Variants in RAB38 observed in about 807,000 individuals in gnomAD.
The protein encoded by RAB38 is ras-related protein Rab-38.
A neutral mutation model predicts 18.4 loss-of-function variants in RAB38; 15 were observed. The observed-to-expected ratio is 0.82, with a 90% CI of 0.55 to 1.26. RAB38 has a LOEUF of 1.26. Ranked by LOEUF, RAB38 falls within the 50% of genes most tolerant of loss-of-function variation. The pLI, the probability that RAB38 is intolerant of heterozygous loss-of-function variation, is 0.00. For missense variants in RAB38, 294 were observed against 267.4 expected, an observed-to-expected ratio of 1.10 and a Z score of -0.69; for synonymous variants, 101 against 104.4, an observed-to-expected ratio of 0.97 and a Z score of 0.20.
chr11:88,163,659 ATTG>A (rs1943213613), intron 1 of RAB38, among the ~76,000 whole-genome samples: 1 of 152,156 alleles, frequency 6.6e-6, no homozygotes, highest in South Asian at 2.1e-4. Flanking sequence ...TATTGACTTT[ATTG>A]TTGTTCATAA....
the RAB38 span, among the ~76,000 whole-genome samples, chr11:87,977,602 A>G: frequency 5.7e-4 from 68 of 118,374 alleles, no homozygotes; most frequent in Non-Finnish European, 4.9e-4. Flanking sequence ...ATTATGTACT[A>G]TACAATTATA....
chr11:87,848,178 A>G, the RAB38 span, among the ~76,000 whole-genome samples: 1 of 152,162 alleles, frequency 6.6e-6, no homozygotes, highest in Non-Finnish European at 1.5e-5. Flanking sequence ...CTTTTACCAT[A>G]CAGGGAAATA....
chr11:87,976,561 T>A, the RAB38 span, among the ~76,000 whole-genome samples: 1 of 123,362 alleles, frequency 8.1e-6, no homozygotes, highest in African/African-American at 3.1e-5. Flanking sequence ...TATACTTATA[T>A]AACTATACAA....
the RAB38 span, among the ~76,000 whole-genome samples, chr11:87,921,444 A>C: frequency 6.6e-6 from 1 of 151,802 alleles, no homozygotes; most frequent in Non-Finnish European, 1.5e-5. Context: ...AGGCTCGGCT[A>C]AGCTATGATG....
At chr11:88,124,228 T>C (rs1357259405) in intron 2 of RAB38, among the ~76,000 whole-genome samples, 3 of 152,136 alleles carry the variant, frequency 2.0e-5, no homozygotes, top group Admixed American at 2.0e-4. Flanking sequence ...GGACTTCATG[T>C]CCAAAACACC....
At chr11:88,048,359 A>G in the RAB38 span, among the ~76,000 whole-genome samples, 3 of 152,204 alleles carry the variant, frequency 2.0e-5, no homozygotes, top group Admixed American at 1.3e-4. Context: ...TACTAGTCAA[A>G]TCACCCAAGC....
the RAB38 span, among the ~76,000 whole-genome samples, chr11:87,950,280 T>C: frequency 9.2e-5 from 14 of 152,308 alleles, no homozygotes; most frequent in South Asian, 1.5e-3. Flanking sequence ...CCTATGTGTG[T>C]CTCTGCACGT....
the RAB38 span, among the ~76,000 whole-genome samples, chr11:87,856,829 T>C: frequency 1.3e-5 from 2 of 152,154 alleles, no homozygotes; most frequent in Non-Finnish European, 2.9e-5. Context: ...GGCTTATCTG[T>C]ACTTGATTGA....
the RAB38 span, among the ~76,000 whole-genome samples, chr11:88,021,741 T>A: frequency 5.4e-5 from 8 of 148,306 alleles, no homozygotes; most frequent in Non-Finnish European, 7.4e-5. Context: ...AGACCTACGC[T>A]CAACTAATTT....
At chr11:88,143,817 C>G (rs924268838) in intron 2 of RAB38, among the ~76,000 whole-genome samples, 1 of 152,152 alleles carries the variant, frequency 6.6e-6, no homozygotes, top group Non-Finnish European at 1.5e-5. Flanking sequence ...AGCCTCTGAT[C>G]GTTCATTTCT....
At chr11:87,893,372 A>ATATATATATATATG in the RAB38 span, among the ~76,000 whole-genome samples, 4 of 28,446 alleles carry the variant, frequency 1.4e-4, no homozygotes, top group African/African-American at 2.9e-4. Flanking sequence ...TATATTTTAC[A>ATATATATATATATG]TATATATATA....
the RAB38 span, among the ~76,000 whole-genome samples, chr11:88,008,742 C>A: frequency 6.6e-6 from 1 of 152,228 alleles, no homozygotes; most frequent in African/African-American, 2.4e-5. Context: ...GGCGCCATCT[C>A]GGCTCACTGC....
the RAB38 span, among the ~76,000 whole-genome samples, chr11:87,862,091 G>A: frequency 6.6e-6 from 1 of 151,914 alleles, no homozygotes; most frequent in Non-Finnish European, 1.5e-5. Context: ...AAACTATTGT[G>A]GAAGACAGTG....
the RAB38 span, among the ~76,000 whole-genome samples, chr11:87,812,733 C>T: frequency 7.9e-4 from 120 of 152,234 alleles, no homozygotes; most frequent in African/African-American, 2.8e-3. Context: ...TTGTGTAAAA[C>T]GCCGAAAGAT....
the RAB38 span, among the ~76,000 whole-genome samples, chr11:88,054,512 G>A: frequency 6.6e-6 from 1 of 152,190 alleles, no homozygotes; most frequent in African/African-American, 2.4e-5. Context: ...TTAATGCTGA[G>A]AACTGTATAG....
chr11:88,077,658 A>C, the RAB38 span, among the ~76,000 whole-genome samples: 1 of 152,140 alleles, frequency 6.6e-6, no homozygotes, highest in South Asian at 2.1e-4. Context: ...AAATAGATTA[A>C]AGACCAAAAA....
the RAB38 span, among the ~76,000 whole-genome samples, chr11:88,081,685 A>G: frequency 6.6e-6 from 1 of 151,704 alleles, no homozygotes; most frequent in Non-Finnish European, 1.5e-5. Flanking sequence ...TTGACTCACA[A>G]CCCGCCCTAA....
At chr11:88,088,841 T>A in the RAB38 span, among the ~76,000 whole-genome samples, 1 of 151,506 alleles carries the variant, frequency 6.6e-6, no homozygotes, top group Admixed American at 6.6e-5. Context: ...AACCATAGAC[T>A]CAAGATATAT....
At chr11:88,022,722 T>A in the RAB38 span, among the ~76,000 whole-genome samples, 1 of 150,458 alleles carries the variant, frequency 6.6e-6, no homozygotes, top group African/African-American at 2.4e-5. Flanking sequence ...GAACATGATA[T>A]CATTCTTTTT....
Sources: gnomAD v4.1 joint callset for allele counts (sites outside exome capture counted in the v4.1 genomes callset) on GRCh38, gnomAD v4.1.1 for gene constraint, MANE v1.5 for transcripts, NCBI Gene and HGNC (gene_info 2026-07-23, HGNC 2026-07-21) for gene names.